SINHCAF: variants seen among roughly 807,000 people sequenced by gnomAD.
SINHCAF encodes the protein SIN3-HDAC complex associated factor, also known as SIN3-HDAC complex-associated factor.
SINHCAF carries 3 observed loss-of-function variants against 25.8 expected under a neutral mutation model. The ratio of observed to expected loss-of-function variants is 0.12; its 90% confidence interval spans 0.05 to 0.30. The LOEUF (loss-of-function observed/expected upper bound fraction) is 0.30, where lower values mean the gene tolerates loss of function less well. SINHCAF is among the 10% of genes least tolerant of loss of function. The pLI, the probability that SINHCAF is intolerant of heterozygous loss-of-function variation, is 1.00. For missense variants in SINHCAF, 121 were observed against 262.3 expected (o/e 0.46, Z 3.72); for synonymous variants, 70 against 85.5 (o/e 0.82, Z 1.00).
At chr12:31,320,235 A>C (rs189483203) in intron 1 of SINHCAF, among the ~76,000 whole-genome samples, 3 of 152,298 alleles carry the variant, frequency 2.0e-5, no homozygotes, top group Non-Finnish European at 4.4e-5. Flanking sequence ...GCTCCTGCCT[A>C]CCAGCTGCTC....
At position 31,325,258 on chromosome 12, in the gene SINHCAF, C is replaced by T. The variant is rs1360402156; in HGVS notation, c.-21+766G>A. ...AAAACTTCGGGCTCCGAAAGCACCC[C>T]GGACACCAGAGGCTCTTGGGCGCGG... is the stretch of plus-strand genomic sequence containing the variant. On this transcript the variant is annotated intron_variant, in intron 1 of 5. Transcript: ENST00000337682. This position sits in a 1 kb window ranked among gnomAD's most constrained non-coding sequence, Gnocchi z 5.9. 2.2e-6 allele frequency: 1 copy of T among 456,736 alleles called. No individual in the cohort carries two copies. Among genetic ancestry groups the T allele is most frequent in the Non-Finnish European group, 4.4e-6 (1 of 226,962 alleles). The allele number at this position is 456,736 out of a possible 1,614,324, so 28.3% of individuals were successfully genotyped here.
chr12:31,322,202 T>C (rs143398126), intron 1 of SINHCAF, among the ~76,000 whole-genome samples: 185 of 152,334 alleles, frequency 1.2e-3, no homozygotes, highest in African/African-American at 4.1e-3. Context: ...TTCATTCACA[T>C]TGATAATCCA....
In SINHCAF at chr12:31,281,779, T is replaced by C. The variant is rs1325187186; in HGVS notation, c.*933A>G. On this transcript the variant is annotated 3_prime_UTR_variant, in exon 6 of 6. Transcript: ENST00000337682. ...CCCAAGAGGAGCTTTGATTCTGCTTTAGAAGTTTTACATAAATTAAAATCT... is the reference window on the plus strand; with the variant it reads ...CCCAAGAGGAGCTTTGATTCTGCTTCAGAAGTTTTACATAAATTAAAATCT... 3.3e-5 allele frequency: 5 copies of C among 152,228 alleles called. No individual in the cohort carries two copies. Among genetic ancestry groups the C allele is most frequent in the Admixed American group, 3.3e-4 (5 of 15,280 alleles). 9.4% of individuals were successfully genotyped at this position (152,228 alleles called of 1,614,324 possible).
At chr12:31,322,333 GA>G (rs1283450255) in intron 1 of SINHCAF, among the ~76,000 whole-genome samples, 1 of 152,154 alleles carries the variant, frequency 6.6e-6, no homozygotes, top group Non-Finnish European at 1.5e-5. Flanking sequence ...TACTAATTAA[GA>G]AAAACAACTC....
chr12:31,287,863 CTG>C, intron 4 of SINHCAF, 79 bp from the exon 5 acceptor site: 4 of 1,012,198 alleles, frequency 4.0e-6, no homozygotes, highest in Non-Finnish European at 5.6e-6. Context: ...GCATAAGACA[CTG>C]TGAAAGAGTT....
At chr12:31,311,882 G>T in intron 1 of SINHCAF, 1 of 504,348 alleles carries the variant, frequency 2.0e-6, no homozygotes, top group Admixed American at 2.3e-5. Context: ...TGATGAAGGT[G>T]GCATCCACCA....
intron 4 of SINHCAF, among the ~76,000 whole-genome samples, chr12:31,293,476 C>T (rs553465846): frequency 2.0e-5 from 3 of 152,274 alleles, no homozygotes; most frequent in African/African-American, 7.2e-5. Context: ...TGCACATCTG[C>T]AGGACTCAAT....
chr12:31,284,178 A>AT (rs1478450860), intron 5 of SINHCAF, among the ~76,000 whole-genome samples: 1 of 152,206 alleles, frequency 6.6e-6, no homozygotes, highest in East Asian at 1.9e-4. Context: ...CAGTGTTCTC[A>AT]TCATTCCATA....
At chr12:31,288,441 C>T (rs1352915333) in intron 4 of SINHCAF, among the ~76,000 whole-genome samples, 2 of 152,126 alleles carry the variant, frequency 1.3e-5, no homozygotes, top group Non-Finnish European at 2.9e-5. Context: ...ACACCTATAC[C>T]AGGGTGGTGT....
chr12:31,301,381 G>T (rs138186911), intron 1 of SINHCAF, among the ~76,000 whole-genome samples: 1 of 152,198 alleles, frequency 6.6e-6, no homozygotes, highest in East Asian at 1.9e-4. Flanking sequence ...CCTTACTTTT[G>T]TCCTGACAAA....
chr12:31,294,304 T>C (rs1938457164), intron 3 of SINHCAF, among the ~76,000 whole-genome samples: 1 of 152,152 alleles, frequency 6.6e-6, no homozygotes, highest in South Asian at 2.1e-4. Context: ...TTATATTTAG[T>C]ACAAAGCAAA....
At chr12:31,306,222 A>G (rs1356254099) in intron 1 of SINHCAF, among the ~76,000 whole-genome samples, 3 of 152,228 alleles carry the variant, frequency 2.0e-5, no homozygotes, top group Non-Finnish European at 4.4e-5. Flanking sequence ...AGATAAAATC[A>G]AGCTGCCACA....
At chr12:31,320,410 T>C (rs2137138827) in intron 1 of SINHCAF, among the ~76,000 whole-genome samples, 1 of 152,334 alleles carries the variant, frequency 6.6e-6, no homozygotes, top group South Asian at 2.1e-4. Context: ...CATACCTTTA[T>C]TAGAACACCT....
chr12:31,283,242 A>ATT (rs142423034), intron 5 of SINHCAF, among the ~76,000 whole-genome samples: 2 of 151,972 alleles, frequency 1.3e-5, no homozygotes, highest in Non-Finnish European at 2.9e-5. Flanking sequence ...TATATATTTA[A>ATT]TTTTTTTTCT....
intron 1 of SINHCAF, among the ~76,000 whole-genome samples, chr12:31,314,908 G>A (rs555681798): frequency 6.6e-6 from 1 of 152,260 alleles, no homozygotes; most frequent in South Asian, 2.1e-4. Flanking sequence ...ACCCAGCTGG[G>A]GTTTCTAAAG....
At chr12:31,315,622 C>T (rs773918058) in intron 1 of SINHCAF, among the ~76,000 whole-genome samples, 5 of 152,164 alleles carry the variant, frequency 3.3e-5, no homozygotes, top group African/African-American at 9.7e-5. Context: ...GAGTTTGTAA[C>T]GCTTATCTCT....
chr12:31,315,185 T>C (rs549406740), intron 1 of SINHCAF, among the ~76,000 whole-genome samples: 4 of 152,294 alleles, frequency 2.6e-5, no homozygotes, highest in Admixed American at 6.5e-5. Flanking sequence ...GGTGAAGCAA[T>C]AGTTGAGAAT....
chr12:31,303,640 G>C (rs577876702), intron 1 of SINHCAF: 2 of 152,112 alleles, frequency 1.3e-5, no homozygotes, highest in Non-Finnish European at 1.5e-5. Context: ...ATAGACTTAC[G>C]TAAGTTGGTT....
intron 5 of SINHCAF, among the ~76,000 whole-genome samples, chr12:31,285,807 C>G (rs893892770): frequency 2.0e-5 from 3 of 151,898 alleles, no homozygotes; most frequent in Non-Finnish European, 4.4e-5. Context: ...GAAACCCCAT[C>G]TCTACTAAAA....
Sources: allele counts gnomAD v4.1 joint callset (sites outside exome capture counted in the v4.1 genomes callset), GRCh38; gene constraint gnomAD v4.1.1; non-coding constraint Gnocchi (gnomAD v3.1); transcripts MANE v1.5; gene names NCBI Gene and HGNC (gene_info 2026-07-23, HGNC 2026-07-21).